The following CHAF1B variants were observed in gnomAD, a reference collection of about 807,000 sequenced individuals.
CHAF1B encodes the protein chromatin assembly factor 1 subunit B.
A neutral mutation model predicts 60.7 loss-of-function variants in CHAF1B; 10 were observed. The ratio of observed to expected loss-of-function variants is 0.16; its 90% CI spans 0.10 to 0.28. The LOEUF is 0.28. Among genes scored for constraint, CHAF1B ranks in the 10% least tolerant of loss-of-function variants. The pLI, the probability that CHAF1B is intolerant of heterozygous loss-of-function variation, is 1.00. For missense variants in CHAF1B, 558 were observed against 708.4 expected, an observed-to-expected ratio of 0.79 and a Z score of 2.41; for synonymous variants, 261 against 266.1, an observed-to-expected ratio of 0.98 and a Z score of 0.19.
chr21:36,386,343 C>T, intron 2 of CHAF1B, 81 bp downstream of exon 2: 23 of 1,547,504 alleles, frequency 1.5e-5, no homozygotes, highest in Non-Finnish European at 2.0e-5. Flanking sequence ...CCAGTGTCGG[C>T]TGGGCGCGGT....
At chr21:36,398,393 TC>T (rs1486281835) in intron 6 of CHAF1B, among the ~76,000 whole-genome samples, 1 of 152,122 alleles carries the variant, frequency 6.6e-6, no homozygotes, top group Admixed American at 6.6e-5. Context: ...AGAATCTCAC[TC>T]TGTCACTCTG....
At chr21:36,386,455 G>A (rs2086035522) in intron 2 of CHAF1B, among the ~76,000 whole-genome samples, 193 bp downstream of exon 2, 2 of 152,102 alleles carry the variant, frequency 1.3e-5, no homozygotes, top group Admixed American at 1.3e-4. Context: ...ACATGAAAAA[G>A]TAGCGGGACG....
intron 3 of CHAF1B, among the ~76,000 whole-genome samples, chr21:36,388,408 G>C (rs1487258449): frequency 6.6e-6 from 1 of 150,932 alleles, no homozygotes; most frequent in African/African-American, 2.4e-5. Flanking sequence ...TCAGTTCTGT[G>C]TCTCTGTGTA....
At chr21:36,389,802 C>CGCGT in intron 3 of CHAF1B, among the ~76,000 whole-genome samples, 1 of 76,270 alleles carries the variant, frequency 1.3e-5, no homozygotes, top group South Asian at 3.6e-4. Flanking sequence ...TGTGTGTGTG[C>CGCGT]GCGCGCACGC....
chr21:36,407,158 C>T (rs1336702627), intron 8 of CHAF1B, among the ~76,000 whole-genome samples: 4 of 151,930 alleles, frequency 2.6e-5, no homozygotes, highest in East Asian at 1.9e-4. Context: ...AAAAATTAGC[C>T]GGGCATGGTG....
intron 3 of CHAF1B, among the ~76,000 whole-genome samples, chr21:36,389,759 ATGTGTGTGTGTGTGTGTGTGTG>A (rs1555911822): frequency 7.9e-6 from 1 of 125,894 alleles, no homozygotes; most frequent in East Asian, 2.4e-4. Context: ...GCATGAAGGG[ATGTGTGTGTGTGTGTGTGTGTG>A]TGTGTGTGTG....
At chr21:36,407,645 G>T (rs993610508) in intron 8 of CHAF1B, among the ~76,000 whole-genome samples, 2 of 152,134 alleles carry the variant, frequency 1.3e-5, no homozygotes, top group African/African-American at 4.8e-5. Context: ...TTTGTTGAAT[G>T]TTAAAATGGA....
At chr21:36,401,065 G>A (rs762353531) in intron 7 of CHAF1B, among the ~76,000 whole-genome samples, 1 of 151,958 alleles carries the variant, frequency 6.6e-6, no homozygotes, top group Non-Finnish European at 1.5e-5. Flanking sequence ...TCAGGAGTTC[G>A]AGACTAGCCT....
chr21:36,413,450 T>C, intron 12 of CHAF1B, 135 bp downstream of exon 12: 1 of 823,760 alleles, frequency 1.2e-6, no homozygotes, highest in South Asian at 1.9e-5. Context: ...GATTCTTAAC[T>C]TCAAATCCGA....
chr21:36,391,775 G>T, intron 4 of CHAF1B, 107 bp downstream of exon 4: 1 of 713,104 alleles, frequency 1.4e-6, no homozygotes, highest in Non-Finnish European at 2.4e-6. Flanking sequence ...GGGTCTCATT[G>T]TCGCCCAGGC....
rs2086322337 is a variant in CHAF1B at position 36,416,636 on chromosome 21, C to T, written c.*270C>T. 6.6e-6 allele frequency: 2 copies of T among 302,302 alleles called. No homozygotes were observed. The highest frequency in any genetic ancestry group is 1.2e-5 in the Non-Finnish European group (2 of 162,588). 18.7% of individuals were successfully genotyped at this position (302,302 alleles called of 1,614,324 possible). On this transcript the variant is annotated 3_prime_UTR_variant, in exon 14 of 14. Transcript: ENST00000314103. ...GAAACTGGAGCGGTTCAACGTTATC[C>T]AGTGTGAAAATCAGTGAGTCCTCCC...
rs114514257 is a variant in CHAF1B, at chr21:36,409,836, G to A, written c.919+371G>A. On this transcript the variant is annotated intron_variant, in intron 10 of 13. Coordinates refer to ENST00000314103, the MANE Select transcript of CHAF1B (RefSeq NM_005441.3). ...TTTAAAAGCTGGAGCAAAGACTGGGGTTATCAAAATACATGTCAGTTTTTT... is the reference window on the plus strand; with the variant it reads ...TTTAAAAGCTGGAGCAAAGACTGGGATTATCAAAATACATGTCAGTTTTTT... Among the ~76,000 whole-genome samples the A allele has an allele frequency of 8.3e-3, 1,243 of 149,698 alleles. 19 individuals are homozygous for A. Among genetic ancestry groups the A allele is most frequent in the African/African-American group, 0.029 (1,192 of 40,854 alleles).
chr21:36,387,010 G>A (rs115636196), intron 2 of CHAF1B, among the ~76,000 whole-genome samples: 395 of 151,846 alleles, frequency 2.6e-3, no homozygotes, highest in African/African-American at 8.8e-3. Context: ...CACCATGCCC[G>A]GCTCTGCTTT....
chr21:36,392,529 C>T (rs1040628005), intron 4 of CHAF1B, among the ~76,000 whole-genome samples: 14 of 150,266 alleles, frequency 9.3e-5, no homozygotes, highest in African/African-American at 3.2e-4. Flanking sequence ...ACCTCCCGGA[C>T]GGGGCAGCTG....
intron 6 of CHAF1B, chr21:36,398,360 T>C (rs1261488093): frequency 6.6e-6 from 1 of 152,160 alleles, no homozygotes; most frequent in Non-Finnish European, 1.5e-5. Flanking sequence ...TATTTTTATT[T>C]TTTTTAAATT....
At chr21:36,386,007 A>C (rs2086028890) in intron 1 of CHAF1B, 53 bp from the exon 2 acceptor site, 1 of 1,104,246 alleles carries the variant, frequency 9.1e-7, no homozygotes, top group African/African-American at 1.6e-5. Flanking sequence ...GCCCCTATTC[A>C]GCGCTCAATA....
At chr21:36,413,932 G>A (rs1274911269) in intron 12 of CHAF1B, among the ~76,000 whole-genome samples, 1 of 152,184 alleles carries the variant, frequency 6.6e-6, no homozygotes, top group Admixed American at 6.5e-5. Flanking sequence ...GGCAATTCCA[G>A]GAGTGTCTTC....
Position 36,413,202 on chromosome 21 carries a change from G to A in CHAF1B, c.1380G>A (p.Leu460=). The change falls in exon 12 of 14, where the codon TTG becomes TTA. Residue 460 remains leucine, a synonymous_variant. Transcript: ENST00000314103. ...PSITPAVKSP[L]PGPSEEKTLQ... ...TCACTCCTGCTGTCAAAAGCCCCTTGCCGGGGCCTTCGGAGGAGAAGACCC... is the reference window on the plus strand; with the variant it reads ...TCACTCCTGCTGTCAAAAGCCCCTTACCGGGGCCTTCGGAGGAGAAGACCC... The A allele has an allele frequency of 6.2e-7, 1 of 1,614,010 alleles. No individual in the cohort carries two copies. The highest frequency in any genetic ancestry group is 1.3e-5 in the African/African-American group (1 of 74,964).
At chr21:36,403,455 TAAAAAAAA>T (rs71326686) in intron 8 of CHAF1B, among the ~76,000 whole-genome samples, 2 of 77,452 alleles carry the variant, frequency 2.6e-5, no homozygotes, top group Middle Eastern at 8.2e-3. Flanking sequence ...ATATCTTATC[TAAAAAAAA>T]AAAAAAAAAA....
Sources: allele counts gnomAD v4.1 joint callset (sites outside exome capture counted in the v4.1 genomes callset), GRCh38; gene constraint gnomAD v4.1.1; transcripts MANE v1.5; gene names NCBI Gene and HGNC (gene_info 2026-07-23, HGNC 2026-07-21).